The following MS4A2 variants were observed in gnomAD, a reference collection of about 807,000 sequenced individuals.
MS4A2 encodes the protein high affinity immunoglobulin epsilon receptor subunit beta.
A neutral mutation model predicts 27.9 loss-of-function variants in MS4A2; 26 were observed. The observed-to-expected ratio is 0.93, with a 90% CI of 0.68 to 1.29. MS4A2 has a LOEUF of 1.29. Ranked by LOEUF, MS4A2 falls within the 50% of genes most tolerant of loss-of-function variation. The pLI, the probability that MS4A2 is intolerant of heterozygous loss-of-function variation, is 0.00. For missense variants in MS4A2, 284 were observed against 284.6 expected, an observed-to-expected ratio of 1.00 and a Z score of 0.01; for synonymous variants, 110 against 98.8, an observed-to-expected ratio of 1.11 and a Z score of -0.67.
At chr11:60,088,885 C>T (rs563872578) in intron 1 of MS4A2, 64 bp downstream of exon 1, 46 of 1,486,286 alleles carry the variant, frequency 3.1e-5, no homozygotes, top group African/African-American at 2.4e-4. Context: ...GTCATAGTCA[C>T]GGTGCTTAGG....
chr11:60,093,916 C>T lies in MS4A2; in HGVS notation c.538-48C>T, dbSNP rs751308080. Reference sequence around the variant, plus strand: ...GCTATAAGAAAATAAACTTTTGGGGCGAATACCATGTGACTCTTTTTGTTT... The same window carrying T: ...GCTATAAGAAAATAAACTTTTGGGGTGAATACCATGTGACTCTTTTTGTTT... On this transcript the variant is annotated intron_variant, in intron 5 of 6. Transcript: ENST00000278888. The T allele has an allele frequency of 1.1e-4, 161 of 1,447,800 alleles. 1 individual carries two copies. Among genetic ancestry groups the T allele is most frequent in the South Asian group, 3.8e-4 (33 of 87,616 alleles). The allele number at this position is 1,447,800 out of a possible 1,614,324, so 89.7% of individuals were successfully genotyped here.
chr11:60,088,506 G>A, upstream of MS4A2: 1 of 860,018 alleles, frequency 1.2e-6, no homozygotes, highest in South Asian at 2.3e-5. Context: ...TATGCTCCAG[G>A]AGTCTCAAAT....
chr11:60,092,918 G>T, intron 4 of MS4A2, 70 bp downstream of exon 4: 1 of 1,421,814 alleles, frequency 7.0e-7, no homozygotes, highest in Non-Finnish European at 9.9e-7. Flanking sequence ...AGAGTCTTAA[G>T]GGAAACACAT....
chr11:60,097,821 G>A lies in MS4A2; in HGVS notation c.*2165G>A, dbSNP rs1855896159. The stretch of plus-strand genomic sequence containing the variant: ...ACTTGGTATGCTTTATTTAATTGTA[G>A]GGCCTGAGGTTTTCCATTCTCATTT... On this transcript the variant is annotated 3_prime_UTR_variant, in exon 7 of 7. Coordinates refer to ENST00000278888, the MANE Select transcript of MS4A2 (RefSeq NM_000139.5). The A allele has an allele frequency of 6.6e-6, 1 of 152,162 alleles. No individual in the cohort carries two copies. The highest frequency in any genetic ancestry group is 2.4e-5 in the African/African-American group (1 of 41,410). The allele number at this position is 152,162 out of a possible 1,614,324, so 9.4% of individuals were successfully genotyped here.
At position 60,088,739 on chromosome 11, in the gene MS4A2, T is replaced by G. The variant is rs753201711; in HGVS notation, c.-27T>G. On this transcript the variant is annotated 5_prime_UTR_variant, in exon 1 of 7. Coordinates refer to ENST00000278888, the MANE Select transcript of MS4A2 (RefSeq NM_000139.5). ...AGTCTCAATATAATAATATTCTTTATTCCTGGACAGCTCGGTTAATGAAAA... is the reference window on the plus strand; with the variant it reads ...AGTCTCAATATAATAATATTCTTTAGTCCTGGACAGCTCGGTTAATGAAAA... 1 of 1,604,358 alleles carries G rather than the reference T, an allele frequency of 6.2e-7. No individual in the cohort carries two copies. Among genetic ancestry groups the G allele is most frequent in the East Asian group, 2.2e-5 (1 of 44,568 alleles).
chr11:60,095,362 T>C (rs564021840), intron 6 of MS4A2, among the ~76,000 whole-genome samples, 196 bp from the exon 7 acceptor site: 1 of 152,368 alleles, frequency 6.6e-6, no homozygotes, highest in East Asian at 1.9e-4. Context: ...TGTCATTGAC[T>C]GACATGATTT....
In MS4A2 at chr11:60,097,944, A is replaced by T. The variant is rs1440389734; in HGVS notation, c.*2288A>T. 6.6e-6 allele frequency: 1 copy of T among 152,186 alleles called. No individual in the cohort carries two copies. The highest frequency in any genetic ancestry group is 2.4e-5 in the African/African-American group (1 of 41,446). The allele number at this position is 152,186 out of a possible 1,614,324, so 9.4% of individuals were successfully genotyped here. A position where few individuals can be genotyped will look rare whatever the true frequency, so the allele number is the denominator to read the frequency against. Reference sequence around the variant, plus strand: ...CTAAGCTGCATCTCTACTCTTGATCATCTGTAGGTATTAATCACATCACTT... The same window carrying T: ...CTAAGCTGCATCTCTACTCTTGATCTTCTGTAGGTATTAATCACATCACTT... On this transcript the variant is annotated 3_prime_UTR_variant, in exon 7 of 7. Coordinates refer to ENST00000278888, the MANE Select transcript of MS4A2 (RefSeq NM_000139.5).
At chr11:60,094,348 G>T (rs1288816050) in intron 6 of MS4A2, among the ~76,000 whole-genome samples, 1 of 152,198 alleles carries the variant, frequency 6.6e-6, no homozygotes, top group African/African-American at 2.4e-5. Flanking sequence ...TGTGCAGAAG[G>T]CTTGTGAGGA....
chr11:60,092,730 T>A, intron 3 of MS4A2, 62 bp from the exon 4 acceptor site: 1 of 1,486,572 alleles, frequency 6.7e-7, no homozygotes, highest in South Asian at 1.2e-5. Context: ...AAGATGGGGT[T>A]AAAAAGGACA....
At chr11:60,094,787 A>G (rs1375531024) in intron 6 of MS4A2, among the ~76,000 whole-genome samples, 2 of 152,212 alleles carry the variant, frequency 1.3e-5, no homozygotes, top group Non-Finnish European at 2.9e-5. Context: ...ATCTTCAATT[A>G]AAACCAAATC....
rs1855871036 is a variant in MS4A2, at chr11:60,096,546, C to T, written c.*890C>T. ...GCAACTGGTTGACTAATACATTAAG[C>T]GTTTGAGTCTAAGATGAAAGGAGAA... is the stretch of plus-strand genomic sequence containing the variant. On this transcript the variant is annotated 3_prime_UTR_variant, in exon 7 of 7. Coordinates refer to ENST00000278888, the MANE Select transcript of MS4A2 (RefSeq NM_000139.5). 1.3e-5 allele frequency: 2 copies of T among 151,968 alleles called. No homozygotes were observed. Among genetic ancestry groups the T allele is most frequent in the Admixed American group, 6.6e-5 (1 of 15,250 alleles). The allele number at this position is 151,968 out of a possible 1,614,324, so 9.4% of individuals were successfully genotyped here.
intron 4 of MS4A2, 31 bp downstream of exon 4, chr11:60,092,879 C>A (rs748753511): frequency 1.3e-6 from 2 of 1,598,878 alleles, no homozygotes; most frequent in Admixed American, 3.3e-5. Context: ...TTTGTCCATC[C>A]TTGAAAAGAT....
Position 60,093,529 on chromosome 11 carries a change from A to G in MS4A2, c.508A>G (p.Thr170Ala). The G allele has an allele frequency of 6.2e-7, 1 of 1,614,130 alleles. No individual in the cohort carries two copies. The highest frequency in any genetic ancestry group is 1.1e-5 in the South Asian group (1 of 91,082). ...CCACAGTTGCCAGAAATTTTTTGAG[A>G]CCAAGTGCTTTATGGCTTCCTTTTC... ...HIHSCQKFFETKCFMASFSTE... is the reference protein window; with the variant it reads ...HIHSCQKFFEAKCFMASFSTE... The change falls in exon 5 of 7, where the codon ACC (threonine) becomes GCC (alanine). Residue 170 changes from threonine (T) to alanine (A), a missense_variant. Coordinates refer to ENST00000278888, the MANE Select transcript of MS4A2 (RefSeq NM_000139.5).
Position 60,093,552 on chromosome 11 carries a change from T to C in MS4A2, c.531T>C (p.Phe177=), listed in dbSNP as rs753470712. ...AGACCAAGTGCTTTATGGCTTCCTT[T>C]TCCACTGTATGTATTTTTTTTTGTG... ...FFETKCFMAS[F]STEIVVMMLF... Residue 177 remains phenylalanine (F), a synonymous_variant, in exon 5 of 7, where the codon TTT becomes TTC. Transcript: ENST00000278888. 6 of 1,614,212 alleles carry C rather than the reference T, an allele frequency of 3.7e-6. No individual in the cohort carries two copies. In the South Asian group the frequency reaches 6.6e-5, roughly 18 times the overall value.
intron 6 of MS4A2, among the ~76,000 whole-genome samples, chr11:60,095,127 G>C (rs1391126159): frequency 1.3e-5 from 2 of 151,902 alleles, no homozygotes; most frequent in Non-Finnish European, 2.9e-5. Context: ...TGGGGCATGG[G>C]GGCACACACC....
In MS4A2 at chr11:60,088,739, T is replaced by C. The variant is rs753201711; in HGVS notation, c.-27T>C. 15 of 1,604,240 alleles carry C rather than the reference T, an allele frequency of 9.4e-6. No individual in the cohort carries two copies. Among genetic ancestry groups the C allele is most frequent in the Non-Finnish European group, 1.7e-6 (2 of 1,173,932 alleles). On this transcript the variant is annotated 5_prime_UTR_variant, in exon 1 of 7. Coordinates refer to ENST00000278888, the MANE Select transcript of MS4A2 (RefSeq NM_000139.5). ...AGTCTCAATATAATAATATTCTTTA[T>C]TCCTGGACAGCTCGGTTAATGAAAA...
intron 1 of MS4A2, 112 bp downstream of exon 1, chr11:60,088,933 G>A: frequency 9.1e-7 from 1 of 1,094,252 alleles, no homozygotes; most frequent in Non-Finnish European, 1.4e-6. Context: ...GATCCATCTA[G>A]TTTAATTAAT....
rs1855890189 is a variant in MS4A2 at position 60,097,446 on chromosome 11, A to G, written c.*1790A>G. 6.6e-6 allele frequency: 1 copy of G among 152,250 alleles called. No individual in the cohort carries two copies. The highest frequency in any genetic ancestry group is 6.5e-5 in the Admixed American group (1 of 15,286). The allele number at this position is 152,250 out of a possible 1,614,324, so 9.4% of individuals were successfully genotyped here. A position where few individuals can be genotyped will look rare whatever the true frequency, so the allele number is the denominator to read the frequency against. ...AAGGTGCTGAGAAATTCCACACATG[A>G]GTATTGTGATGAGTAAATGAATAAA... is the stretch of plus-strand genomic sequence containing the variant. On this transcript the variant is annotated 3_prime_UTR_variant, in exon 7 of 7. Transcript: ENST00000278888.
intron 4 of MS4A2, 126 bp downstream of exon 4, chr11:60,092,974 T>A: frequency 2.0e-6 from 2 of 986,304 alleles, no homozygotes; most frequent in South Asian, 2.9e-5. Flanking sequence ...TGATTTTGTT[T>A]CAATCTATTT....
Sources: allele counts gnomAD v4.1 joint callset (sites outside exome capture counted in the v4.1 genomes callset), GRCh38; gene constraint gnomAD v4.1.1; transcripts MANE v1.5; gene names NCBI Gene and HGNC (gene_info 2026-07-23, HGNC 2026-07-21).